SGCD: variants seen among roughly 807,000 people sequenced by gnomAD.
SGCD encodes the protein delta-sarcoglycan.
SGCD carries 18 observed loss-of-function variants against 36.6 expected under a neutral mutation model. The observed-to-expected ratio is 0.49, with a 90% confidence interval of 0.34 to 0.73. The LOEUF (loss-of-function observed/expected upper bound fraction) is 0.73, where lower values mean the gene tolerates loss of function less well. Among genes scored for constraint, SGCD ranks in the 30% least tolerant of loss-of-function variants. SGCD has a pLI of 0.01. For synonymous variants in SGCD, 133 were observed against 130.6 expected (o/e 1.02, Z -0.12); for missense variants, 387 against 346.7 (o/e 1.12, Z -0.92).
chr5:156,286,737 T>A (rs551514642), intron 3 of SGCD, among the ~76,000 whole-genome samples: 1 of 152,204 alleles, frequency 6.6e-6, no homozygotes, highest in Non-Finnish European at 1.5e-5. Context: ...GACAAGTTAC[T>A]GGGTGCAGCA....
chr5:155,799,343 C>A, the SGCD span, among the ~76,000 whole-genome samples: 2 of 151,856 alleles, frequency 1.3e-5, no homozygotes, highest in Admixed American at 6.6e-5. Flanking sequence ...AATAGAGCCA[C>A]AACCAAAATG....
intron 1 of SGCD, among the ~76,000 whole-genome samples, chr5:156,029,232 G>A (rs1266352926): frequency 6.6e-6 from 1 of 152,096 alleles, no homozygotes; most frequent in Non-Finnish European, 1.5e-5. Flanking sequence ...ATATAAACAA[G>A]GTTGAGGACT....
At chr5:155,803,219 A>G in the SGCD span, among the ~76,000 whole-genome samples, 1 of 152,220 alleles carries the variant, frequency 6.6e-6, no homozygotes, top group Non-Finnish European at 1.5e-5. Context: ...ATTTAATGAT[A>G]CAGATAATTC....
intron 3 of SGCD, among the ~76,000 whole-genome samples, chr5:156,233,081 G>A (rs1462948805): frequency 2.0e-5 from 3 of 152,130 alleles, no homozygotes; most frequent in Non-Finnish European, 1.5e-5. Flanking sequence ...GGACACCAGG[G>A]AAAGCTTGCT....
rs577227722 is a variant in SGCD, at chr5:155,905,395, T to C, written c.-282+34971T>C. Among the ~76,000 whole-genome samples the C allele has an allele frequency of 8.5e-5, 13 of 152,174 alleles. No homozygotes were observed. In the South Asian group the frequency reaches 2.7e-3, roughly 32 times the overall value. On this transcript the variant is annotated intron_variant, in intron 1 of 9. Transcript: ENST00000517913. ...GTATATTGAGTGAAGCTGTCAATCA[T>C]AAGGGCCATCAGATAACTAAGGAGG...
intron 3 of SGCD, among the ~76,000 whole-genome samples, chr5:156,252,588 T>G (rs943849956): frequency 9.2e-5 from 14 of 152,202 alleles, no homozygotes; most frequent in African/African-American, 3.4e-4. Flanking sequence ...CTTGTTACTA[T>G]AATGCGTGAG....
At chr5:155,779,762 A>G in the SGCD span, among the ~76,000 whole-genome samples, 1 of 152,154 alleles carries the variant, frequency 6.6e-6, no homozygotes, top group South Asian at 2.1e-4. Context: ...GTTCAAATTG[A>G]CAGTCCCCTC....
At chr5:155,810,172 A>G in the SGCD span, among the ~76,000 whole-genome samples, 3 of 152,250 alleles carry the variant, frequency 2.0e-5, no homozygotes, top group Non-Finnish European at 4.4e-5. Context: ...TCAAGCACCA[A>G]TAAAATGAGC....
At chr5:156,458,560 T>C (rs1754352831) in intron 3 of SGCD, 1 of 1,163,574 alleles carries the variant, frequency 8.6e-7, no homozygotes, top group Non-Finnish European at 1.3e-6. Context: ...AAACCGCATA[T>C]GTCAAAATTC....
the SGCD span, among the ~76,000 whole-genome samples, chr5:155,811,096 C>T: frequency 0.014 from 2,159 of 152,040 alleles, 28 homozygotes; most frequent in Non-Finnish European, 0.019. Context: ...GGATTACAGG[C>T]GTGAGCCACC....
chr5:155,946,369 A>C (rs1011589945), intron 1 of SGCD, among the ~76,000 whole-genome samples: 11 of 152,216 alleles, frequency 7.2e-5, no homozygotes, highest in Non-Finnish European at 1.3e-4. Context: ...TAGTTAGGGC[A>C]GAGACTGAAT....
intron 3 of SGCD, among the ~76,000 whole-genome samples, chr5:156,349,192 T>C (rs2127720378): frequency 6.6e-6 from 1 of 152,186 alleles, no homozygotes; most frequent in South Asian, 2.1e-4. Context: ...GATGTTGGCC[T>C]AGGCAAATAA....
intron 1 of SGCD, among the ~76,000 whole-genome samples, chr5:155,933,057 G>T (rs868689755): frequency 2.0e-4 from 31 of 152,288 alleles, no homozygotes; most frequent in Middle Eastern, 3.4e-3. Flanking sequence ...TTTGTCCACT[G>T]TTAGAGACAG....
At chr5:156,376,168 TACTC>T (rs1770657907) in intron 3 of SGCD, among the ~76,000 whole-genome samples, 1 of 152,222 alleles carries the variant, frequency 6.6e-6, no homozygotes, top group Non-Finnish European at 1.5e-5. Flanking sequence ...TCTGCTCAGT[TACTC>T]AAGAACCCAG....
At chr5:156,522,215 G>A (rs1242544746) in intron 4 of SGCD, among the ~76,000 whole-genome samples, 1 of 152,052 alleles carries the variant, frequency 6.6e-6, no homozygotes, top group African/African-American at 2.4e-5. Context: ...CTGAGGGAGG[G>A]ATAGCATCAG....
intron 3 of SGCD, among the ~76,000 whole-genome samples, chr5:156,464,119 A>G (rs1438135933): frequency 1.3e-5 from 2 of 151,630 alleles, no homozygotes; most frequent in East Asian, 3.9e-4. Context: ...TATGATATCC[A>G]TTTTACAGAT....
At chr5:156,125,552 G>A (rs1762150677) in intron 3 of SGCD, among the ~76,000 whole-genome samples, 1 of 151,914 alleles carries the variant, frequency 6.6e-6, no homozygotes, top group African/African-American at 2.4e-5. Flanking sequence ...GTAAGAGGGA[G>A]CATTTCAAAT....
intron 4 of SGCD, among the ~76,000 whole-genome samples, chr5:156,531,577 C>T (rs1420763571): frequency 2.6e-5 from 4 of 152,088 alleles, no homozygotes; most frequent in Non-Finnish European, 5.9e-5. Flanking sequence ...ATCACAGGGT[C>T]GGTGGTCCTG....
intron 3 of SGCD, among the ~76,000 whole-genome samples, chr5:156,230,993 A>G (rs2127651286): frequency 6.6e-6 from 1 of 152,320 alleles, no homozygotes; most frequent in African/African-American, 2.4e-5. Flanking sequence ...GATACACAAA[A>G]AGCAAATAAA....
Sources: gnomAD v4.1 joint callset for allele counts (sites outside exome capture counted in the v4.1 genomes callset) on GRCh38, gnomAD v4.1.1 for gene constraint, MANE v1.5 for transcripts, NCBI Gene and HGNC (gene_info 2026-07-23, HGNC 2026-07-21) for gene names.